The following ITGAE variants were observed in gnomAD, a reference collection of about 807,000 sequenced individuals.
The protein encoded by ITGAE is integrin alpha-E.
ITGAE carries 99 observed loss-of-function variants against 136.5 expected under a neutral mutation model. That is an observed-to-expected ratio of 0.73 (90% CI 0.62 to 0.86). ITGAE has a LOEUF of 0.86. ITGAE is among the 40% of genes least tolerant of loss of function. The probability of loss-of-function intolerance (pLI) is 0.00; values close to 1 mark genes in which losing one functional copy is unlikely to be tolerated. For missense variants in ITGAE, 1,447 were observed against 1,515.3 expected (o/e 0.95, Z 0.75); for synonymous variants, 613 against 591.8 (o/e 1.04, Z -0.52).
chr17:3,732,961 A>C (rs1233030499), intron 21 of ITGAE, among the ~76,000 whole-genome samples: 1 of 152,062 alleles, frequency 6.6e-6, no homozygotes, highest in Admixed American at 6.6e-5. Context: ...TCCCCTCTAG[A>C]TGCCTAGGAG....
chr17:3,753,690 G>A (rs1220508100), intron 13 of ITGAE, 93 bp downstream of exon 13: 1 of 1,476,900 alleles, frequency 6.8e-7, no homozygotes. Context: ...CCGGGCCCTG[G>A]CCCACTGTGC....
chr17:3,762,278 C>T (rs2052191976), intron 3 of ITGAE, among the ~76,000 whole-genome samples: 1 of 152,184 alleles, frequency 6.6e-6, no homozygotes, highest in Non-Finnish European at 1.5e-5. Context: ...ACAGCGGATG[C>T]CTGCTGCTTT....
chr17:3,797,380 T>C (rs189573650), intron 1 of ITGAE, among the ~76,000 whole-genome samples: 2,721 of 151,418 alleles, frequency 0.018, 38 homozygotes, highest in Non-Finnish European at 0.029. Context: ...TTAGCCAGGA[T>C]GGTCTCGATC....
intron 5 of ITGAE, 34 bp from the exon 6 acceptor site, chr17:3,761,211 G>GA: frequency 6.2e-7 from 1 of 1,603,600 alleles, no homozygotes; most frequent in Non-Finnish European, 8.5e-7. Flanking sequence ...CTCAGAGTCA[G>GA]AAAGGCTCCA....
chr17:3,723,592 C>T, intron 27 of ITGAE, 96 bp downstream of exon 27: 1 of 1,312,938 alleles, frequency 7.6e-7, no homozygotes, highest in Non-Finnish European at 1.0e-6. Flanking sequence ...CGGCACTGGC[C>T]GGCAGGGGTA....
intron 18 of ITGAE, 47 bp downstream of exon 18, chr17:3,745,717 C>T: frequency 6.3e-7 from 1 of 1,584,362 alleles, no homozygotes; most frequent in South Asian, 1.1e-5. Context: ...AATCCTTTCT[C>T]AATGACAAAG....
At chr17:3,787,147 T>C (rs559432042) in intron 1 of ITGAE, among the ~76,000 whole-genome samples, 1 of 151,804 alleles carries the variant, frequency 6.6e-6, no homozygotes, top group East Asian at 2.0e-4. Flanking sequence ...AGTCTCACTC[T>C]GTCGCCCAGG....
rs564133871 is a variant in ITGAE at position 3,741,203 on chromosome 17, G to A, written c.2449-1325C>T. On this transcript the variant is annotated intron_variant, in intron 19 of 30. Coordinates refer to ENST00000263087, the MANE Select transcript of ITGAE (RefSeq NM_002208.5). ...CGCCATTCTCCTGCCTCAGACTCCCGAGTAGCTGGGACTACAGCTGCCCGC... is the reference window on the plus strand; with the variant it reads ...CGCCATTCTCCTGCCTCAGACTCCCAAGTAGCTGGGACTACAGCTGCCCGC... Among the ~76,000 whole-genome samples, 88 of 145,788 alleles carry A rather than the reference G, an allele frequency of 6.0e-4. 1 individual carries two copies. The highest frequency in any genetic ancestry group is 9.8e-4 in the Non-Finnish European group (66 of 67,008).
chr17:3,716,855 C>G, intron 29 of ITGAE, 57 bp from the exon 30 acceptor site: 1 of 970,264 alleles, frequency 1.0e-6, no homozygotes, highest in Admixed American at 1.8e-5. Context: ...AGGAAAAAAT[C>G]CTACATGTTA....
chr17:3,797,833 C>T (rs954677250), intron 1 of ITGAE, among the ~76,000 whole-genome samples: 4 of 152,166 alleles, frequency 2.6e-5, no homozygotes, highest in Admixed American at 1.3e-4. Flanking sequence ...CAGATGGGGC[C>T]AAGGCAGCAG....
Position 3,761,440 on chromosome 17 carries a change from G to C in ITGAE, c.396C>G (p.Asp132Glu), listed in dbSNP as rs2052166267. 6.2e-7 allele frequency: 1 copy of C among 1,613,840 alleles called. No homozygotes were observed. The highest frequency in any genetic ancestry group is 8.5e-7 in the Non-Finnish European group (1 of 1,179,976). ...AGTTGGCCTGAGCCTGGGGACGGAGGTCAGGGCCCAGGAGGCTACAGGTGC... is the reference window on the plus strand; with the variant it reads ...AGTTGGCCTGAGCCTGGGGACGGAGCTCAGGGCCCAGGAGGCTACAGGTGC... ...LTGTCSLLGPDLRPQAQANFF... is the reference protein window; with the variant it reads ...LTGTCSLLGPELRPQAQANFF... Residue 132 changes from aspartate (D) to glutamate (E), a missense_variant, in exon 5 of 31, where the codon GAC becomes GAG. Asp to Glu is a conservative substitution (Grantham distance 45). Coordinates refer to ENST00000263087, the MANE Select transcript of ITGAE (RefSeq NM_002208.5).
intron 1 of ITGAE, among the ~76,000 whole-genome samples, chr17:3,787,409 G>T (rs1489038915): frequency 6.6e-6 from 1 of 152,100 alleles, no homozygotes; most frequent in African/African-American, 2.4e-5. Context: ...ACCATGCCCG[G>T]CTGTGAATTT....
intron 2 of ITGAE, 98 bp from the exon 3 acceptor site, chr17:3,764,058 C>T (rs2143141928): frequency 1.3e-6 from 1 of 799,342 alleles, no homozygotes; most frequent in South Asian, 1.7e-5. Context: ...CCTGCACTCA[C>T]AAGCTCCCTG....
intron 26 of ITGAE, chr17:3,725,861 A>T: frequency 6.2e-7 from 1 of 1,611,158 alleles, no homozygotes; most frequent in Admixed American, 1.7e-5. Context: ...CAGAGGCATC[A>T]CTGCGCTTTG....
chr17:3,721,837 G>C (rs1247555789), intron 28 of ITGAE: 1 of 152,058 alleles, frequency 6.6e-6, no homozygotes, highest in Non-Finnish European at 1.5e-5. Flanking sequence ...TCTGAGGTCA[G>C]GAGTTCAAGA....
At chr17:3,785,596 C>T (rs1438180855) in intron 1 of ITGAE, among the ~76,000 whole-genome samples, 1 of 151,080 alleles carries the variant, frequency 6.6e-6, no homozygotes, top group Non-Finnish European at 1.5e-5. Context: ...TTAAGCAATG[C>T]ATTTCTAAAT....
chr17:3,742,920 G>C (rs999103886), intron 19 of ITGAE, among the ~76,000 whole-genome samples: 13 of 152,216 alleles, frequency 8.5e-5, no homozygotes, highest in African/African-American at 2.9e-4. Flanking sequence ...CCAAAGTGTT[G>C]GGATTACAGG....
chr17:3,749,555 GCT>G (rs1394282131), intron 16 of ITGAE, among the ~76,000 whole-genome samples: 11 of 152,138 alleles, frequency 7.2e-5, no homozygotes, highest in African/African-American at 2.4e-4. Flanking sequence ...CCCAGCAAAA[GCT>G]CTGTTTTTAG....
intron 18 of ITGAE, among the ~76,000 whole-genome samples, chr17:3,745,401 G>C (rs562096877): frequency 1.3e-5 from 2 of 152,244 alleles, no homozygotes; most frequent in East Asian, 3.9e-4. Context: ...GAGTACAGTG[G>C]CATGATTTCG....
Sources: allele counts gnomAD v4.1 joint callset (sites outside exome capture counted in the v4.1 genomes callset), GRCh38; gene constraint gnomAD v4.1.1; transcripts MANE v1.5; gene names NCBI Gene and HGNC (gene_info 2026-07-23, HGNC 2026-07-21).